Variants in MAGI1 observed in about 807,000 individuals in gnomAD.
The protein encoded by MAGI1 is membrane-associated guanylate kinase, WW and PDZ domain-containing protein 1.
A neutral mutation model predicts 139.9 loss-of-function variants in MAGI1; 58 were observed. The observed-to-expected ratio is 0.41, with a 90% CI of 0.34 to 0.52. MAGI1 has a LOEUF of 0.52. Among genes scored for constraint, MAGI1 ranks in the 20% least tolerant of loss-of-function variants. MAGI1 has a pLI of 0.12. For synonymous variants in MAGI1, 812 were observed against 737.9 expected (o/e 1.10, Z -1.63); for missense variants, 1,874 against 1,901.6 (o/e 0.99, Z 0.27).
At chr3:65,393,819 A>C (rs1944143788) in intron 13 of MAGI1, among the ~76,000 whole-genome samples, 2 of 152,200 alleles carry the variant, frequency 1.3e-5, no homozygotes, top group Non-Finnish European at 2.9e-5. Flanking sequence ...TACCTGCAGG[A>C]AACAGCCTTG....
At chr3:65,559,636 C>A (rs1159329537) in intron 2 of MAGI1, among the ~76,000 whole-genome samples, 1 of 152,170 alleles carries the variant, frequency 6.6e-6, no homozygotes, top group African/African-American at 2.4e-5. Flanking sequence ...CACACTCCTA[C>A]AAGGTAGGGA....
intron 1 of MAGI1, among the ~76,000 whole-genome samples, chr3:65,737,054 G>C (rs936124941): frequency 1.3e-5 from 2 of 151,910 alleles, no homozygotes; most frequent in African/African-American, 4.8e-5. Context: ...CCCTAGGCTG[G>C]AGTGCAGTGG....
intron 16 of MAGI1, among the ~76,000 whole-genome samples, chr3:65,380,044 G>C (rs150075365): frequency 1.3e-5 from 2 of 152,290 alleles, no homozygotes; most frequent in Non-Finnish European, 2.9e-5. Flanking sequence ...TAAGGTGATG[G>C]TAACGTTGAG....
At chr3:65,561,426 C>T (rs1317839763) in intron 2 of MAGI1, among the ~76,000 whole-genome samples, 1 of 151,998 alleles carries the variant, frequency 6.6e-6, no homozygotes, top group African/African-American at 2.4e-5. Flanking sequence ...GAACGAAACC[C>T]ACCACTCAGA....
intron 1 of MAGI1, among the ~76,000 whole-genome samples, chr3:65,675,541 C>T (rs549978540): frequency 2.6e-5 from 4 of 151,954 alleles, no homozygotes; most frequent in South Asian, 2.1e-4. Context: ...ATTCACAAAA[C>T]GGGGCAGCAC....
intron 1 of MAGI1, among the ~76,000 whole-genome samples, chr3:65,859,897 TTTG>T (rs2059494846): frequency 8.4e-6 from 1 of 118,624 alleles, no homozygotes; most frequent in Non-Finnish European, 2.0e-5. Flanking sequence ...TTTGTTTGTT[TTTG>T]TTTTTGTTTT....
At chr3:65,637,730 C>T (rs1190176777) in intron 1 of MAGI1, among the ~76,000 whole-genome samples, 1 of 152,104 alleles carries the variant, frequency 6.6e-6, no homozygotes, top group Non-Finnish European at 1.5e-5. Flanking sequence ...CGAAAGGCAG[C>T]ACGGTTTAGG....
chr3:65,813,342 G>A (rs2041402684), intron 1 of MAGI1, among the ~76,000 whole-genome samples: 1 of 152,054 alleles, frequency 6.6e-6, no homozygotes, highest in African/African-American at 2.4e-5. Context: ...CCTACAGCAT[G>A]GCAAAACCAT....
intron 2 of MAGI1, among the ~76,000 whole-genome samples, chr3:65,545,253 C>T (rs1204616091): frequency 1.3e-5 from 2 of 151,946 alleles, no homozygotes; most frequent in Non-Finnish European, 2.9e-5. Context: ...AAAATGGGGG[C>T]AAAGGTGAAG....
chr3:65,358,952 A>G (rs1940493966), intron 22 of MAGI1: 1 of 964,586 alleles, frequency 1.0e-6, no homozygotes, highest in South Asian at 1.3e-5. Flanking sequence ...CAATTCAAAG[A>G]ACGCAGGGTG....
intron 2 of MAGI1, among the ~76,000 whole-genome samples, chr3:65,530,840 C>T (rs1276683808): frequency 1.8e-5 from 2 of 113,164 alleles, no homozygotes; most frequent in African/African-American, 7.8e-5. Context: ...TATATATATA[C>T]ACACACACAC....
chr3:65,615,873 C>T (rs761972793), intron 2 of MAGI1, among the ~76,000 whole-genome samples: 4 of 152,166 alleles, frequency 2.6e-5, no homozygotes, highest in East Asian at 1.9e-4. Flanking sequence ...TAGGAAACCA[C>T]GTACAAGCAG....
rs141184742 is a variant in MAGI1, at chr3:65,985,359, T to C, written c.313+52637A>G. 3.3e-3 allele frequency among the ~76,000 whole-genome samples: 502 copies of C among 152,328 alleles called. 3 individuals carry two copies. Among genetic ancestry groups the C allele is most frequent in the African/African-American group, 0.01 (420 of 41,574 alleles). On this transcript the variant is annotated intron_variant, in intron 1 of 22. Coordinates refer to ENST00000402939, the MANE Select transcript of MAGI1 (RefSeq NM_001033057.2). ...AGAATGATCATAGTGGCCAGTTTGG[T>C]AGCCTGATCATTTTGGTCATATGCA...
intron 22 of MAGI1, 191 bp downstream of exon 22, chr3:65,361,008 C>A (rs761881958): frequency 2.7e-5 from 40 of 1,466,332 alleles, no homozygotes; most frequent in Non-Finnish European, 3.5e-5. Context: ...TGCCCCAGTC[C>A]ACGTAAGCAA....
chr3:65,736,996 A>C (rs2107761385), intron 1 of MAGI1, among the ~76,000 whole-genome samples: 1 of 150,960 alleles, frequency 6.6e-6, no homozygotes, highest in Admixed American at 6.6e-5. Context: ...TCACACTTGC[A>C]TCAAGACTTT....
At chr3:65,459,859 A>G (rs1949655624) in intron 5 of MAGI1, among the ~76,000 whole-genome samples, 1 of 152,118 alleles carries the variant, frequency 6.6e-6, no homozygotes, top group African/African-American at 2.4e-5. Flanking sequence ...AGAGAAGTTA[A>G]GACTGCAGTG....
chr3:65,391,025 C>A (rs1248435763), intron 14 of MAGI1, 117 bp downstream of exon 14: 2 of 842,772 alleles, frequency 2.4e-6, no homozygotes, highest in Admixed American at 5.1e-5. Flanking sequence ...TTGCATCTTG[C>A]GGATTTCACT....
chr3:65,705,078 G>A (rs2029939884), intron 1 of MAGI1, among the ~76,000 whole-genome samples: 1 of 151,838 alleles, frequency 6.6e-6, no homozygotes. Flanking sequence ...ATACTAGATA[G>A]GACAGAAATG....
chr3:65,366,829 A>C (rs1941461798), intron 18 of MAGI1, among the ~76,000 whole-genome samples: 1 of 152,202 alleles, frequency 6.6e-6, no homozygotes, highest in African/African-American at 2.4e-5. Flanking sequence ...CATAATGTTA[A>C]AAGCATATTG....
Sources: allele counts gnomAD v4.1 joint callset (sites outside exome capture counted in the v4.1 genomes callset), GRCh38; gene constraint gnomAD v4.1.1; transcripts MANE v1.5; gene names NCBI Gene and HGNC (gene_info 2026-07-23, HGNC 2026-07-21).